Variants in STPG2 observed in about 807,000 individuals in gnomAD.
STPG2 encodes the protein sperm tail PG-rich repeat containing 2.
A neutral mutation model predicts 54.2 loss-of-function variants in STPG2; 56 were observed. That is an observed-to-expected ratio of 1.03 (90% CI 0.83 to 1.29). The LOEUF (loss-of-function observed/expected upper bound fraction) is 1.29, where lower values mean the gene tolerates loss of function less well. STPG2 is among the 50% of genes most tolerant of loss of function. The pLI is 0.00. For missense variants in STPG2, 596 were observed against 544.9 expected (o/e 1.09, Z -0.93); for synonymous variants, 200 against 181.8 (o/e 1.10, Z -0.81).
At chr4:97,796,651 T>A (rs1441059809) in intron 9 of STPG2, among the ~76,000 whole-genome samples, 6 of 152,174 alleles carry the variant, frequency 3.9e-5, no homozygotes, top group African/African-American at 1.4e-4. Flanking sequence ...TCCAGCTTTG[T>A]TCTTTTGGCT....
intron 10 of STPG2, among the ~76,000 whole-genome samples, chr4:97,684,258 A>G (rs1452458844): frequency 3.3e-5 from 5 of 151,972 alleles, no homozygotes; most frequent in Non-Finnish European, 7.4e-5. Context: ...AAGTTTGTAT[A>G]GAAAGGAAAA....
At chr4:98,023,611 G>T (rs1022851821) in intron 5 of STPG2, among the ~76,000 whole-genome samples, 34 of 152,298 alleles carry the variant, frequency 2.2e-4, no homozygotes, top group Non-Finnish European at 4.3e-4. Flanking sequence ...CTTTTTGTTT[G>T]TCTGTGCCCT....
chr4:97,956,822 G>T (rs1240928344), intron 7 of STPG2, among the ~76,000 whole-genome samples: 1 of 152,132 alleles, frequency 6.6e-6, no homozygotes, highest in Non-Finnish European at 1.5e-5. Context: ...TGTTTCCCTT[G>T]AAAACAGCCT....
chr4:97,458,478 G>A (rs1729581714), intron 4 of STPG2, among the ~76,000 whole-genome samples: 1 of 151,972 alleles, frequency 6.6e-6, no homozygotes, highest in Non-Finnish European at 1.5e-5. Flanking sequence ...ATTTTCCATG[G>A]TTTATAATTC....
intron 10 of STPG2, among the ~76,000 whole-genome samples, chr4:97,599,040 C>T (rs1733382877): frequency 6.6e-6 from 1 of 152,146 alleles, no homozygotes; most frequent in Non-Finnish European, 1.5e-5. Context: ...TATCCAGCAT[C>T]TATAAGTAAC....
intron 4 of STPG2, among the ~76,000 whole-genome samples, chr4:97,490,812 T>A (rs1335531933): frequency 6.6e-6 from 1 of 151,514 alleles, no homozygotes; most frequent in Non-Finnish European, 1.5e-5. Context: ...ACTTCCCATA[T>A]CTTTTCTCTT....
intron 5 of STPG2, among the ~76,000 whole-genome samples, chr4:97,986,545 T>C (rs1044301888): frequency 6.6e-6 from 1 of 152,196 alleles, no homozygotes; most frequent in African/African-American, 2.4e-5. Context: ...CTATATAGCT[T>C]ACATGTTAAC....
chr4:97,769,383 T>A (rs749979864), intron 9 of STPG2, among the ~76,000 whole-genome samples: 16 of 152,128 alleles, frequency 1.1e-4, no homozygotes, highest in Non-Finnish European at 2.2e-4. Flanking sequence ...GCAAGCCCAG[T>A]CAAGATCAGT....
At position 97,813,677 on chromosome 4, in the gene STPG2, T is replaced by TAAAAAAAAAAAA. The variant is rs869298230; in HGVS notation, c.1204+27084_1204+27095dup. Among the ~76,000 whole-genome samples the TAAAAAAAAAAAA allele has an allele frequency of 8.7e-5, 4 of 45,944 alleles. 1 individual carries two copies. The highest frequency in any genetic ancestry group is 2.4e-4 in the African/African-American group (3 of 12,702). 30.1% of individuals were successfully genotyped at this position (45,944 alleles called of 152,430 possible). ...GGCAGCATAGCAAGACCCTGTCTCT[T>TAAAAAAAAAAAA]AAAAAAAAAAAAAAAAAAAAAAAAA... On this transcript the variant is annotated intron_variant, in intron 9 of 10. Coordinates refer to ENST00000295268, the MANE Select transcript of STPG2 (RefSeq NM_174952.3).
At chr4:97,929,635 G>T (rs1279611037) in intron 8 of STPG2, among the ~76,000 whole-genome samples, 1 of 152,152 alleles carries the variant, frequency 6.6e-6, no homozygotes, top group Non-Finnish European at 1.5e-5. Context: ...CAGTGATGTT[G>T]AACTTTTTCT....
chr4:97,991,098 T>C (rs200293693), intron 5 of STPG2, among the ~76,000 whole-genome samples: 4 of 151,980 alleles, frequency 2.6e-5, no homozygotes, highest in African/African-American at 4.8e-5. Flanking sequence ...CCGAAGCCCA[T>C]TGTATCATTC....
intron 9 of STPG2, among the ~76,000 whole-genome samples, chr4:97,754,169 AC>A (rs1725662456): frequency 6.6e-6 from 1 of 152,120 alleles, no homozygotes; most frequent in Non-Finnish European, 1.5e-5. Context: ...GGTTCAATAA[AC>A]CAAACCAAAA....
At chr4:98,090,885 C>G (rs1738665194) in intron 5 of STPG2, among the ~76,000 whole-genome samples, 1 of 150,696 alleles carries the variant, frequency 6.6e-6, no homozygotes, top group African/African-American at 2.4e-5. Context: ...CCTCAATTTT[C>G]TTACTACCTT....
intron 10 of STPG2, among the ~76,000 whole-genome samples, chr4:97,710,869 G>T (rs1724090932): frequency 6.6e-6 from 1 of 151,978 alleles, no homozygotes; most frequent in Admixed American, 6.6e-5. Flanking sequence ...GTTCTCAACA[G>T]AAAAGCTACC....
chr4:97,681,155 A>G (rs1391994473), intron 10 of STPG2, among the ~76,000 whole-genome samples: 1 of 151,922 alleles, frequency 6.6e-6, no homozygotes, highest in African/African-American at 2.4e-5. Context: ...AAAGAAACCT[A>G]TTAGTGATGA....
At chr4:97,882,680 A>G (rs1730421426) in intron 8 of STPG2, among the ~76,000 whole-genome samples, 1 of 152,160 alleles carries the variant, frequency 6.6e-6, no homozygotes, top group South Asian at 2.1e-4. Context: ...CCTTCTGGCA[A>G]TGAACAGCCA....
At position 97,865,351 on chromosome 4, in the gene STPG2, A is replaced by C. The variant is rs529638077; in HGVS notation, c.1045-24419T>G. ...AAAGACACATGAAAAAATGCTCATC[A>C]TCACTGGCCATCAGAGAAATGCAAA... On this transcript the variant is annotated intron_variant, in intron 8 of 10. Transcript: ENST00000295268. 1.4e-4 allele frequency among the ~76,000 whole-genome samples: 21 copies of C among 152,364 alleles called. No individual in the cohort carries two copies. In the South Asian group the frequency reaches 4.3e-3, roughly 32 times the overall value.
At chr4:97,616,057 A>AATATATATATATATATATAT (rs70953077) in intron 10 of STPG2, among the ~76,000 whole-genome samples, 12 of 37,392 alleles carry the variant, frequency 3.2e-4, no homozygotes, top group Non-Finnish European at 5.5e-4. Context: ...AATACATATA[A>AATATATATATATATATATAT]ATATATATAT....
At chr4:97,965,606 T>G (rs1346383744) in intron 7 of STPG2, among the ~76,000 whole-genome samples, 1 of 152,110 alleles carries the variant, frequency 6.6e-6, no homozygotes. Flanking sequence ...AACAGACAGC[T>G]CATACAGGCT....
Sources: gnomAD v4.1 joint callset for allele counts (sites outside exome capture counted in the v4.1 genomes callset) on GRCh38, gnomAD v4.1.1 for gene constraint, MANE v1.5 for transcripts, NCBI Gene and HGNC (gene_info 2026-07-23, HGNC 2026-07-21) for gene names.